Variants in LAMA4 observed in about 807,000 individuals in gnomAD.
LAMA4 encodes laminin subunit alpha 4, also known as laminin subunit alpha-4.
LAMA4 carries 127 observed loss-of-function variants against 207.1 expected under a neutral mutation model. The ratio of observed to expected loss-of-function variants is 0.61; its 90% CI spans 0.53 to 0.71. LAMA4 has a LOEUF of 0.71. Ranked by LOEUF, LAMA4 falls within the 30% of genes least tolerant of loss-of-function variation. LAMA4 has a pLI of 0.00. For synonymous variants in LAMA4, 761 were observed against 816.0 expected, an observed-to-expected ratio of 0.93 and a Z score of 1.15; for missense variants, 2,093 against 2,246.5, an observed-to-expected ratio of 0.93 and a Z score of 1.38.
At chr6:112,181,043 T>C (rs1015496362) in intron 9 of LAMA4, among the ~76,000 whole-genome samples, 1 of 152,198 alleles carries the variant, frequency 6.6e-6, no homozygotes, top group African/African-American at 2.4e-5. Flanking sequence ...AGGATGGAGC[T>C]TCTCTCTTTG....
At chr6:112,210,658 A>G (rs543454372) in intron 3 of LAMA4, among the ~76,000 whole-genome samples, 3 of 152,168 alleles carry the variant, frequency 2.0e-5, no homozygotes, top group Non-Finnish European at 4.4e-5. Flanking sequence ...TTTCTAAATA[A>G]TACTAAGATG....
At chr6:112,208,786 T>G (rs1419507651) in intron 3 of LAMA4, among the ~76,000 whole-genome samples, 1 of 152,216 alleles carries the variant, frequency 6.6e-6, no homozygotes, top group East Asian at 1.9e-4. Context: ...CTTCAGGCAT[T>G]TGATCAGCCA....
chr6:112,141,491 A>G lies in LAMA4; in HGVS notation c.2680T>C (p.Tyr894His). 6.2e-7 allele frequency: 1 copy of G among 1,605,696 alleles called. No individual in the cohort carries two copies. The highest frequency in any genetic ancestry group is 8.5e-7 in the Non-Finnish European group (1 of 1,172,436). Residue 894 changes from tyrosine to histidine, a missense_variant, in exon 21 of 39, where the codon TAT becomes CAT. Tyr to His is a moderately conservative substitution (Grantham distance 83, BLOSUM62 2). Coordinates refer to ENST00000230538, the MANE Select transcript of LAMA4 (RefSeq NM_001105206.3). ...YLGSKNAKKE[Y>H]MGLAIKNDNL... ...TCATTTTTGATTGCAAGACCCATAT[A>G]CTCTTTTTTGGCCTGAAATATCAAG...
At chr6:112,172,090 G>A (rs1378323215) in intron 12 of LAMA4, 5 of 168,898 alleles carry the variant, frequency 3.0e-5, no homozygotes, top group African/African-American at 4.8e-5. Flanking sequence ...GGGCATGCAC[G>A]AATTCTGGCC....
chr6:112,201,692 A>G lies in LAMA4; in HGVS notation c.423-4T>C, dbSNP rs79008328. On this transcript the variant is annotated splice_region_variant and splice_polypyrimidine_tract_variant and intron_variant, in intron 4 of 38. Transcript: ENST00000230538. ...CCTATAGCAGGATTCTGCAAAACTA[A>G]AATTGGAAGCAAATATTGGAAGTCA... 2 of 1,613,014 alleles carry G rather than the reference A, an allele frequency of 1.2e-6. No individual in the cohort carries two copies.
rs1401962057 is a variant in LAMA4 at position 112,246,429 on chromosome 6, T to C, written c.195+7527A>G. Among the ~76,000 whole-genome samples the C allele has an allele frequency of 3.3e-5, 5 of 152,170 alleles. No individual in the cohort carries two copies. In the East Asian group the frequency reaches 7.7e-4, roughly 23 times the overall value. On this transcript the variant is annotated intron_variant, in intron 2 of 38. Coordinates refer to ENST00000230538, the MANE Select transcript of LAMA4 (RefSeq NM_001105206.3). Reference sequence around the variant, plus strand: ...AAAACTCTAAAGTAGGGGAGTGTTTTTGGCATTTTAATTCAAGAAACTGTG... The same window carrying C: ...AAAACTCTAAAGTAGGGGAGTGTTTCTGGCATTTTAATTCAAGAAACTGTG...
Position 112,216,199 on chromosome 6 carries a change from C to A in LAMA4, c.297+169G>T, listed in dbSNP as rs76951526. On this transcript the variant is annotated intron_variant, in intron 3 of 38. Transcript: ENST00000230538. ...ATATGCCTTGGTGGACCCTTAAAAT[C>A]AGAAGTAGTTTATATGAGTTGTTTC... Among the ~76,000 whole-genome samples the A allele has an allele frequency of 2.9e-3, 447 of 152,302 alleles. 1 individual carries two copies. The highest frequency in any genetic ancestry group is 0.01 in the African/African-American group (423 of 41,538).
rs1479491128 is a variant in LAMA4, at chr6:112,117,823, G to C, written c.4897C>G (p.Gln1633Glu). 2 of 1,613,668 alleles carry C rather than the reference G, an allele frequency of 1.2e-6. No individual in the cohort carries two copies. Among genetic ancestry groups the C allele is most frequent in the Non-Finnish European group, 1.7e-6 (2 of 1,179,754 alleles). The stretch of plus-strand genomic sequence containing the variant: ...AAGCAAGGGGTCACACTGAATGTCT[G>C]AGAAGCAGAGGTGATGGAGGCCCCA... ...LNGASITSAS[Q>E]TFSVTPCFEG... Residue 1633 changes from glutamine (Q) to glutamate (E), a missense_variant, in exon 35 of 39, where the codon CAG becomes GAG. Transcript: ENST00000230538. The surrounding 1 kb of genome is among the most constrained non-coding windows in gnomAD (Gnocchi z 4.5).
Position 112,117,986 on chromosome 6 carries a change from G to A in LAMA4, c.4822-88C>T. ...AAATGAGGGGGTTTGAGTCCTGAAG[G>A]AACCCACGTAATTCCTTGTTTCATT... On this transcript the variant is annotated intron_variant, in intron 34 of 38. Coordinates refer to ENST00000230538, the MANE Select transcript of LAMA4 (RefSeq NM_001105206.3). This position sits in a 1 kb window ranked among gnomAD's most constrained non-coding sequence, Gnocchi z 4.5. The A allele has an allele frequency of 9.6e-7, 1 of 1,039,950 alleles. No homozygotes were observed. The highest frequency in any genetic ancestry group is 1.5e-6 in the Non-Finnish European group (1 of 667,392). 64.4% of individuals were successfully genotyped at this position (1,039,950 alleles called of 1,614,324 possible).
intron 4 of LAMA4, among the ~76,000 whole-genome samples, chr6:112,203,595 A>G (rs1219639949): frequency 2.0e-5 from 3 of 152,170 alleles, no homozygotes; most frequent in Non-Finnish European, 4.4e-5. Context: ...GGACCCAAGA[A>G]TATTTGTTCT....
intron 4 of LAMA4, 77 bp from the exon 5 acceptor site, chr6:112,201,765 C>T (rs1783761334): frequency 8.4e-7 from 1 of 1,194,654 alleles, no homozygotes. Context: ...ATCAGATTAC[C>T]TCTATGTTGG....
intron 8 of LAMA4, chr6:112,187,212 T>A: frequency 5.0e-6 from 3 of 605,120 alleles, no homozygotes; most frequent in Admixed American, 2.6e-5. Context: ...GTCATTTCAT[T>A]TCCCATATAA....
intron 4 of LAMA4, among the ~76,000 whole-genome samples, chr6:112,202,238 G>A (rs1481227422): frequency 4.6e-5 from 7 of 152,046 alleles, no homozygotes; most frequent in Non-Finnish European, 8.8e-5. Flanking sequence ...ACCATAAAAG[G>A]ATTTTATCCC....
In LAMA4 at chr6:112,190,927, CTTTCTTTCTTTCTTTCTTTCCTTT is replaced by C. The variant is rs1426461374; in HGVS notation, c.718+685_718+708del. 6.4e-3 allele frequency among the ~76,000 whole-genome samples: 594 copies of C among 92,542 alleles called. 1 individual carries two copies. Among genetic ancestry groups the C allele is most frequent in the Non-Finnish European group, 9.3e-3 (428 of 45,922 alleles). 60.7% of individuals were successfully genotyped at this position (92,542 alleles called of 152,430 possible). On this transcript the variant is annotated intron_variant, in intron 6 of 38. Coordinates refer to ENST00000230538, the MANE Select transcript of LAMA4 (RefSeq NM_001105206.3). ...TCTTTCTTTCTTTCTTTCTTTCTTT[CTTTCTTTCTTTCTTTCTTTCCTTT>C]CTTTCTTTCTTTCTTTCTTTCTTTC...
chr6:112,238,462 C>A (rs1786097987), intron 2 of LAMA4, among the ~76,000 whole-genome samples: 1 of 152,110 alleles, frequency 6.6e-6, no homozygotes, highest in South Asian at 2.1e-4. Flanking sequence ...GTAATTCCAG[C>A]ACTTTGGGAG....
At chr6:112,155,822 C>T in intron 14 of LAMA4, 116 bp from the exon 15 acceptor site, 1 of 1,228,100 alleles carries the variant, frequency 8.1e-7, no homozygotes, top group South Asian at 1.2e-5. Flanking sequence ...TCCTGTTATT[C>T]AAAGTCACCT....
intron 5 of LAMA4, among the ~76,000 whole-genome samples, chr6:112,193,136 A>G (rs1271632518): frequency 6.6e-6 from 1 of 152,206 alleles, no homozygotes; most frequent in Non-Finnish European, 1.5e-5. Flanking sequence ...TGGTCACACC[A>G]TAATGGGATT....
At chr6:112,131,909 G>T (rs1203752676) in intron 28 of LAMA4, among the ~76,000 whole-genome samples, 1 of 152,104 alleles carries the variant, frequency 6.6e-6, no homozygotes, top group Non-Finnish European at 1.5e-5. Flanking sequence ...CCCATCAGTT[G>T]GATCTTACAG....
At chr6:112,124,413 G>A (rs1432978691) in intron 31 of LAMA4, among the ~76,000 whole-genome samples, 1 of 152,172 alleles carries the variant, frequency 6.6e-6, no homozygotes, top group Non-Finnish European at 1.5e-5. Context: ...ATAAACTCGG[G>A]TGTCTTTATA....
Sources: gnomAD v4.1 joint callset for allele counts (sites outside exome capture counted in the v4.1 genomes callset) on GRCh38, gnomAD v4.1.1 for gene constraint, Gnocchi (gnomAD v3.1) non-coding constraint, MANE v1.5 for transcripts, NCBI Gene and HGNC (gene_info 2026-07-23, HGNC 2026-07-21) for gene names.